LINC00305: variants seen among roughly 807,000 people sequenced by gnomAD.
LINC00305 encodes long independently transcribed non-coding RNA 305.
At chr18:64,102,451 T>C (rs933792339) in intron 1 of LINC00305, among the ~76,000 whole-genome samples, 3 of 152,150 alleles carry the variant, frequency 2.0e-5, no homozygotes, top group Non-Finnish European at 4.4e-5. Flanking sequence ...TGTTTTATAT[T>C]GGGAACATAA....
intron 1 of LINC00305, among the ~76,000 whole-genome samples, chr18:64,143,797 G>GTATGTACACATATTATGCA (rs2051483147): frequency 1.3e-5 from 1 of 78,192 alleles, no homozygotes; most frequent in African/African-American, 4.4e-5. Flanking sequence ...CATATTATGC[G>GTATGTACACATATTATGCA]TACATGTATG....
At chr18:64,135,006 T>C (rs990257018) in intron 1 of LINC00305, among the ~76,000 whole-genome samples, 1 of 152,200 alleles carries the variant, frequency 6.6e-6, no homozygotes, top group African/African-American at 2.4e-5. Flanking sequence ...CAAAGTTTAT[T>C]GTCTCATGGT....
intron 1 of LINC00305, among the ~76,000 whole-genome samples, chr18:64,128,360 T>TG (rs2051394399): frequency 1.3e-5 from 2 of 148,602 alleles, no homozygotes; most frequent in Admixed American, 1.3e-4. Context: ...CTGCCACCTG[T>TG]CACCTGTCAC....
At chr18:64,124,520 T>C (rs1277192602) in intron 1 of LINC00305, among the ~76,000 whole-genome samples, 1 of 152,160 alleles carries the variant, frequency 6.6e-6, no homozygotes, top group Non-Finnish European at 1.5e-5. Flanking sequence ...GCCAAACTGA[T>C]TAAATTTTTT....
chr18:64,085,886 G>A (rs2051201442), intron 3 of LINC00305, among the ~76,000 whole-genome samples: 1 of 152,210 alleles, frequency 6.6e-6, no homozygotes, highest in Non-Finnish European at 1.5e-5. Flanking sequence ...TAATGAGGAA[G>A]CTGTTTTAAT....
chr18:64,116,325 C>T (rs1251383383), intron 1 of LINC00305, among the ~76,000 whole-genome samples: 2 of 152,044 alleles, frequency 1.3e-5, no homozygotes, highest in Non-Finnish European at 2.9e-5. Flanking sequence ...AATGTTTTTC[C>T]TCCTAGCATG....
chr18:64,140,132 A>G (rs1356471375), intron 1 of LINC00305, among the ~76,000 whole-genome samples: 1 of 152,048 alleles, frequency 6.6e-6, no homozygotes, highest in Non-Finnish European at 1.5e-5. Flanking sequence ...CTGCTCATGT[A>G]TCAGAGAGGC....
At chr18:64,093,801 T>C (rs2051234350) in intron 3 of LINC00305, among the ~76,000 whole-genome samples, 1 of 152,204 alleles carries the variant, frequency 6.6e-6, no homozygotes. Context: ...TTGAGCAGCA[T>C]AGCCACCCAT....
chr18:64,143,768 A>G (rs1225990899), intron 1 of LINC00305, among the ~76,000 whole-genome samples: 1 of 150,264 alleles, frequency 6.7e-6, no homozygotes, highest in African/African-American at 2.4e-5. Flanking sequence ...TACACATATT[A>G]TGCGTACATG....
intron 3 of LINC00305, among the ~76,000 whole-genome samples, chr18:64,084,407 A>G: frequency 6.6e-6 from 1 of 152,266 alleles, no homozygotes; most frequent in African/African-American, 2.4e-5. Flanking sequence ...CTAGGTAACA[A>G]ATGTTACCCT....
chr18:64,091,828 C>T (rs1885190292), intron 3 of LINC00305, among the ~76,000 whole-genome samples: 1 of 152,148 alleles, frequency 6.6e-6, no homozygotes, highest in Non-Finnish European at 1.5e-5. Context: ...ATTTCCAAGT[C>T]CTGTTAAGGA....
intron 1 of LINC00305, among the ~76,000 whole-genome samples, chr18:64,140,546 AC>A (rs1348062760): frequency 6.6e-6 from 1 of 152,072 alleles, no homozygotes; most frequent in Non-Finnish European, 1.5e-5. Context: ...CATGGTAGAG[AC>A]CGTCTAAGTA....
At position 64,116,410 on chromosome 18, in the gene LINC00305, T is replaced by C. The variant is rs1432603967; in HGVS notation, n.315-17770A>G. ...TTAAGAACATATTAATTGCATAAAC[T>C]ATACTCCTATATAAACATCTTAAGA... On this transcript the variant is annotated intron_variant and non_coding_transcript_variant, in intron 1 of 3. Coordinates refer to ENST00000666468, the Ensembl canonical transcript of LINC00305. Among the ~76,000 whole-genome samples, 4 of 152,242 alleles carry C rather than the reference T, an allele frequency of 2.6e-5. No individual in the cohort carries two copies. The East Asian group carries it at 7.7e-4, about 29-fold the overall frequency.
intron 1 of LINC00305, among the ~76,000 whole-genome samples, chr18:64,147,962 C>T (rs1328316701): frequency 1.3e-5 from 2 of 151,986 alleles, no homozygotes; most frequent in East Asian, 3.9e-4. Context: ...CAATAGCACA[C>T]ATTCTTTCTG....
chr18:64,088,058 G>A (rs142913268), intron 3 of LINC00305, among the ~76,000 whole-genome samples: 2 of 152,128 alleles, frequency 1.3e-5, no homozygotes, highest in East Asian at 3.9e-4. Context: ...GGGAGGCGGA[G>A]CTTGCCGGGA....
chr18:64,110,456 T>G (rs1599216227), intron 1 of LINC00305, among the ~76,000 whole-genome samples: 1 of 152,318 alleles, frequency 6.6e-6, no homozygotes, highest in African/African-American at 2.4e-5. Flanking sequence ...TGTAACTAGC[T>G]TACTGGGTTC....
intron 3 of LINC00305, among the ~76,000 whole-genome samples, chr18:64,095,274 A>T: frequency 6.6e-6 from 1 of 152,168 alleles, no homozygotes; most frequent in Non-Finnish European, 1.5e-5. Context: ...TCTCTCAAGG[A>T]TGTGTAAATA....
At chr18:64,109,561 C>T (rs1405283847) in intron 1 of LINC00305, among the ~76,000 whole-genome samples, 2 of 152,200 alleles carry the variant, frequency 1.3e-5, no homozygotes, top group South Asian at 2.1e-4. Flanking sequence ...TCGGCCTCAT[C>T]GTCATCATCA....
At chr18:64,145,178 G>T (rs551338219) in intron 1 of LINC00305, among the ~76,000 whole-genome samples, 1 of 152,138 alleles carries the variant, frequency 6.6e-6, no homozygotes, top group Non-Finnish European at 1.5e-5. Context: ...GAAAGACTGC[G>T]TTTCTGTTTT....
Sources: allele counts gnomAD v4.1 joint callset (sites outside exome capture counted in the v4.1 genomes callset), GRCh38; gene constraint gnomAD v4.1.1; transcripts MANE v1.5; gene names NCBI Gene and HGNC (gene_info 2026-07-23, HGNC 2026-07-21).